LRFN5: variants seen among roughly 807,000 people sequenced by gnomAD.
The protein encoded by LRFN5 is leucine-rich repeat and fibronectin type-III domain-containing protein 5.
LRFN5 carries 24 observed loss-of-function variants against 45.6 expected under a neutral mutation model. That is an observed-to-expected ratio of 0.53 (90% CI 0.38 to 0.74). LRFN5 has a LOEUF of 0.74. Among genes scored for constraint, LRFN5 ranks in the 30% least tolerant of loss-of-function variants. The pLI, the probability that LRFN5 is intolerant of heterozygous loss-of-function variation, is 0.00. For missense variants in LRFN5, 776 were observed against 861.5 expected (o/e 0.90, Z 1.24); for synonymous variants, 340 against 313.8 (o/e 1.08, Z -0.88).
intron 2 of LRFN5, among the ~76,000 whole-genome samples, chr14:41,809,404 G>T (rs1237973950): frequency 6.6e-6 from 1 of 151,658 alleles, no homozygotes; most frequent in East Asian, 1.9e-4. Context: ...AATTCTTAAT[G>T]CAACACTGAA....
At chr14:41,845,958 G>C (rs559513505) in intron 2 of LRFN5, among the ~76,000 whole-genome samples, 1 of 152,124 alleles carries the variant, frequency 6.6e-6, no homozygotes, top group African/African-American at 2.4e-5. Flanking sequence ...CTTAACACTT[G>C]TTAAAGTATT....
intron 1 of LRFN5, among the ~76,000 whole-genome samples, chr14:41,634,264 A>C (rs779878655): frequency 6.6e-6 from 1 of 152,266 alleles, no homozygotes; most frequent in Middle Eastern, 3.4e-3. Flanking sequence ...TTCTTAAATT[A>C]GATTTTTCAG....
chr14:41,636,258 T>C (rs1476165048), intron 1 of LRFN5, among the ~76,000 whole-genome samples: 1 of 152,024 alleles, frequency 6.6e-6, no homozygotes, highest in Non-Finnish European at 1.5e-5. Context: ...CATCATGGAG[T>C]TGGTATTACA....
intron 1 of LRFN5, among the ~76,000 whole-genome samples, chr14:41,761,040 T>C (rs1386289303): frequency 6.6e-6 from 1 of 152,118 alleles, no homozygotes; most frequent in East Asian, 1.9e-4. Flanking sequence ...AAAAATCAGG[T>C]CAAACAAACT....
rs1486978559 is a variant in LRFN5 at position 41,904,500 on chromosome 14, C to T, written c.*325C>T. ...TCCATGATTTAACAGACTGTAGAAT[C>T]TTGAATAATCTATATCACTTTAACA... is the stretch of plus-strand genomic sequence containing the variant. On this transcript the variant is annotated 3_prime_UTR_variant, in exon 6 of 6. Coordinates refer to ENST00000298119, the MANE Select transcript of LRFN5 (RefSeq NM_152447.5). 1 of 262,806 alleles carries T rather than the reference C, an allele frequency of 3.8e-6. No homozygotes were observed. The highest frequency in any genetic ancestry group is 7.1e-6 in the Non-Finnish European group (1 of 140,516). The allele number at this position is 262,806 out of a possible 1,614,324, so 16.3% of individuals were successfully genotyped here. A position where few individuals can be genotyped will look rare whatever the true frequency, so the allele number is the denominator to read the frequency against.
intron 2 of LRFN5, among the ~76,000 whole-genome samples, chr14:41,864,667 A>G (rs1889780650): frequency 1.3e-5 from 2 of 152,314 alleles, no homozygotes; most frequent in Non-Finnish European, 2.9e-5. Flanking sequence ...TATAAATTTT[A>G]GGATGAACAC....
chr14:41,713,323 A>G (rs2138751436), intron 1 of LRFN5, among the ~76,000 whole-genome samples: 1 of 152,210 alleles, frequency 6.6e-6, no homozygotes, highest in African/African-American at 2.4e-5. Context: ...ATAAATAGTA[A>G]AGAAAAATGT....
At chr14:41,809,062 T>C (rs571277936) in intron 2 of LRFN5, among the ~76,000 whole-genome samples, 1 of 152,218 alleles carries the variant, frequency 6.6e-6, no homozygotes, top group South Asian at 2.1e-4. Context: ...TTTCCTATCC[T>C]CAGACTGTTC....
At chr14:41,843,884 A>G (rs144773944) in intron 2 of LRFN5, among the ~76,000 whole-genome samples, 1 of 152,326 alleles carries the variant, frequency 6.6e-6, no homozygotes, top group East Asian at 1.9e-4. Context: ...TATAGAAAAT[A>G]AGATATGGAA....
At chr14:41,706,274 A>G (rs934683699) in intron 1 of LRFN5, among the ~76,000 whole-genome samples, 1 of 151,812 alleles carries the variant, frequency 6.6e-6, no homozygotes, top group African/African-American at 2.4e-5. Flanking sequence ...CTAATTTTGT[A>G]TTTTTAGTAG....
intron 2 of LRFN5, among the ~76,000 whole-genome samples, chr14:41,861,357 A>C (rs999009681): frequency 3.9e-5 from 6 of 152,180 alleles, no homozygotes; most frequent in Non-Finnish European, 7.3e-5. Flanking sequence ...TATAAAGAAG[A>C]CCATTTCCTT....
chr14:41,640,486 C>T (rs371502669), intron 1 of LRFN5, among the ~76,000 whole-genome samples: 1 of 152,024 alleles, frequency 6.6e-6, no homozygotes, highest in Admixed American at 6.6e-5. Flanking sequence ...TCTATCATGA[C>T]CTTTTTATAT....
chr14:41,728,690 G>C (rs984792821), intron 1 of LRFN5, among the ~76,000 whole-genome samples: 4 of 152,060 alleles, frequency 2.6e-5, no homozygotes, highest in Non-Finnish European at 4.4e-5. Context: ...ATAAGAATGG[G>C]AAAGATTCCA....
intron 2 of LRFN5, among the ~76,000 whole-genome samples, chr14:41,820,277 G>C (rs1217085210): frequency 6.6e-6 from 1 of 151,728 alleles, no homozygotes; most frequent in South Asian, 2.1e-4. Flanking sequence ...AATCTATCTT[G>C]AATTAAATTT....
intron 2 of LRFN5, among the ~76,000 whole-genome samples, chr14:41,869,194 A>G (rs1036247586): frequency 6.6e-6 from 1 of 152,088 alleles, no homozygotes; most frequent in Non-Finnish European, 1.5e-5. Flanking sequence ...TGAGTGGGCA[A>G]CTTGGTTGTT....
At chr14:41,828,022 A>G (rs1888355078) in intron 2 of LRFN5, among the ~76,000 whole-genome samples, 1 of 152,022 alleles carries the variant, frequency 6.6e-6, no homozygotes, top group South Asian at 2.1e-4. Flanking sequence ...TTCATGTCAC[A>G]AGGGGACTAT....
intron 1 of LRFN5, among the ~76,000 whole-genome samples, chr14:41,690,407 G>C (rs1882326384): frequency 6.6e-6 from 1 of 152,036 alleles, no homozygotes. Context: ...TACAAAATTA[G>C]CCGGGCATGG....
intron 2 of LRFN5, among the ~76,000 whole-genome samples, chr14:41,776,276 G>T (rs1886290862): frequency 6.6e-6 from 1 of 152,064 alleles, no homozygotes; most frequent in African/African-American, 2.4e-5. Context: ...TCATGTCAAG[G>T]GATCTATGCT....
intron 2 of LRFN5, among the ~76,000 whole-genome samples, chr14:41,813,729 A>T (rs1012433799): frequency 2.0e-5 from 3 of 152,158 alleles, no homozygotes; most frequent in African/African-American, 4.8e-5. Context: ...GGCTGGGTCA[A>T]ATGATATTTC....
Sources: allele counts gnomAD v4.1 joint callset (sites outside exome capture counted in the v4.1 genomes callset), GRCh38; gene constraint gnomAD v4.1.1; transcripts MANE v1.5; gene names NCBI Gene and HGNC (gene_info 2026-07-23, HGNC 2026-07-21).